Variants in ADHFE1 observed in about 807,000 individuals in gnomAD.
ADHFE1 encodes alcohol dehydrogenase iron containing 1, also known as hydroxyacid-oxoacid transhydrogenase, mitochondrial.
ADHFE1 carries 37 observed loss-of-function variants against 54.8 expected under a neutral mutation model. The observed-to-expected ratio is 0.68, with a 90% CI of 0.52 to 0.89. The LOEUF (loss-of-function observed/expected upper bound fraction) is 0.89. Ranked by LOEUF, ADHFE1 falls within the 40% of genes least tolerant of loss-of-function variation. The pLI is 0.00. For synonymous variants in ADHFE1, 203 were observed against 229.3 expected (o/e 0.89, Z 1.04); for missense variants, 601 against 591.2 (o/e 1.02, Z -0.17).
Position 66,439,102 on chromosome 8 carries a change from C to A in ADHFE1, c.60-1060C>A. On this transcript the variant is annotated intron_variant, in intron 1 of 13. Coordinates refer to ENST00000396623, the MANE Select transcript of ADHFE1 (RefSeq NM_144650.3). The surrounding 1 kb of genome is among the most constrained non-coding windows in gnomAD (Gnocchi z 4.4). ...GTCGGGAACCACTAGATGGCAGCCGCGACTCGCGCCAGCTCTCACTCGCCC... is the reference window on the plus strand; with the variant it reads ...GTCGGGAACCACTAGATGGCAGCCGAGACTCGCGCCAGCTCTCACTCGCCC... 1.2e-6 allele frequency: 1 copy of A among 828,720 alleles called. No homozygotes were observed. The highest frequency in any genetic ancestry group is 1.5e-6 in the Non-Finnish European group (1 of 687,260). The allele number at this position is 828,720 out of a possible 1,614,324, so 51.3% of individuals were successfully genotyped here. A position where few individuals can be genotyped will look rare whatever the true frequency, so the allele number is the denominator to read the frequency against.
Position 66,444,692 on chromosome 8 carries a change from G to T in ADHFE1, c.297G>T (p.Lys99Asn), listed in dbSNP as rs771829089. Residue 99 changes from lysine (K) to asparagine (N), a missense_variant, in exon 5 of 14, where the codon AAG becomes AAT. Lys to Asn is a moderately conservative substitution (Grantham distance 94). Coordinates refer to ENST00000396623, the MANE Select transcript of ADHFE1 (RefSeq NM_144650.3). ...AAGTAGCTATGGATTCCCTAGTGAAGAATGGCATCCCCTTTACGGTTTATG... is the reference window on the plus strand; with the variant it reads ...AAGTAGCTATGGATTCCCTAGTGAATAATGGCATCCCCTTTACGGTTTATG... ...PVQVAMDSLV[K>N]NGIPFTVYDN... The T allele has an allele frequency of 6.2e-7, 1 of 1,614,204 alleles. No individual in the cohort carries two copies. Among genetic ancestry groups the T allele is most frequent in the South Asian group, 1.1e-5 (1 of 91,082 alleles).
chr8:66,457,005 A>G (rs757161331), intron 11 of ADHFE1, 65 bp from the exon 12 acceptor site: 174 of 1,553,160 alleles, frequency 1.1e-4, no homozygotes, highest in Middle Eastern at 3.8e-4. Flanking sequence ...GTAACTTAAC[A>G]TCTAGAATAT....
chr8:66,450,289 C>A (rs961882195), intron 8 of ADHFE1, among the ~76,000 whole-genome samples: 6 of 152,230 alleles, frequency 3.9e-5, no homozygotes, highest in Admixed American at 3.3e-4. Context: ...TGACCCAAAG[C>A]AGCCACCCTT....
chr8:66,467,867 G>A (rs1050519255), intron 13 of ADHFE1, among the ~76,000 whole-genome samples: 6 of 152,202 alleles, frequency 3.9e-5, no homozygotes, highest in African/African-American at 1.4e-4. Flanking sequence ...TTTTGAATAT[G>A]CCTTAAGTCC....
chr8:66,456,858 A>G lies in ADHFE1; in HGVS notation c.1028A>G (p.Tyr343Cys), dbSNP rs1290261828. 12 of 1,602,496 alleles carry G rather than the reference A, an allele frequency of 7.5e-6. No individual in the cohort carries two copies. Among genetic ancestry groups the G allele is most frequent in the East Asian group, 2.3e-5 (1 of 44,346 alleles). The change falls in exon 11 of 14, where the codon TAT (tyrosine) becomes TGT (cysteine). Residue 343 changes from tyrosine (Y) to cysteine (C), a missense_variant. Tyr to Cys is a radical substitution (Grantham distance 194). Transcript: ENST00000396623. ...CCAATTTCAGGTTTAGTGAAGATGTATAAAGCAAAGGATTACAATGTGGAT... is the reference window on the plus strand; with the variant it reads ...CCAATTTCAGGTTTAGTGAAGATGTGTAAAGCAAAGGATTACAATGTGGAT... ...SYPISGLVKM[Y>C]KAKDYNVDHP...
intron 8 of ADHFE1, among the ~76,000 whole-genome samples, 177 bp downstream of exon 8, chr8:66,449,147 G>A (rs1806175858): frequency 6.6e-6 from 1 of 152,220 alleles, no homozygotes; most frequent in Non-Finnish European, 1.5e-5. Context: ...TGGTGACTAG[G>A]TGACATCTGG....
rs1224898533 is a variant in ADHFE1, at chr8:66,468,263, T to C, written c.1321-6T>C. 1.2e-6 allele frequency: 2 copies of C among 1,608,848 alleles called. No homozygotes were observed. The highest frequency in any genetic ancestry group is 2.2e-5 in the East Asian group (1 of 44,752). On this transcript the variant is annotated splice_polypyrimidine_tract_variant and splice_region_variant and intron_variant, in intron 13 of 13. Coordinates refer to ENST00000396623, the MANE Select transcript of ADHFE1 (RefSeq NM_144650.3). Reference sequence around the variant, plus strand: ...CCTGGGTAACTTCTTTCATTTACTGTTTCAGGAAAGGGTCACCAAGCTTGC... The same window carrying C: ...CCTGGGTAACTTCTTTCATTTACTGCTTCAGGAAAGGGTCACCAAGCTTGC...
intron 9 of ADHFE1, chr8:66,453,776 T>C: frequency 7.1e-7 from 1 of 1,409,444 alleles, no homozygotes; most frequent in South Asian, 1.1e-5. Context: ...GGAGTGGCCC[T>C]CGCCATCCAG....
chr8:66,458,341 G>A (rs764094913), intron 12 of ADHFE1, among the ~76,000 whole-genome samples: 2 of 152,180 alleles, frequency 1.3e-5, no homozygotes, highest in African/African-American at 2.4e-5. Flanking sequence ...AGTCCCAGGT[G>A]CTGTGCTGGG....
intron 13 of ADHFE1, among the ~76,000 whole-genome samples, chr8:66,464,749 T>G (rs1807079653): frequency 6.6e-6 from 1 of 152,252 alleles, no homozygotes; most frequent in Non-Finnish European, 1.5e-5. Flanking sequence ...TTTTTAAGTG[T>G]ACAATGCCAT....
chr8:66,462,558 G>A (rs1806958502), intron 13 of ADHFE1, among the ~76,000 whole-genome samples: 1 of 152,222 alleles, frequency 6.6e-6, no homozygotes, highest in African/African-American at 2.4e-5. Flanking sequence ...GGCATTCACT[G>A]CAATTTTAAT....
Position 66,445,326 on chromosome 8 carries a change from C to T in ADHFE1, c.462C>T (p.Ser154=), listed in dbSNP as rs1346933090. The T allele has an allele frequency of 1.9e-6, 3 of 1,613,898 alleles. No homozygotes were observed. The highest frequency in any genetic ancestry group is 2.5e-6 in the Non-Finnish European group (3 of 1,179,996). Residue 154 remains serine (S), a synonymous_variant, in exon 6 of 14, where the codon TCC becomes TCT. Coordinates refer to ENST00000396623, the MANE Select transcript of ADHFE1 (RefSeq NM_144650.3). The stretch of plus-strand genomic sequence containing the variant: ...GTAAGGCTGCTAATCTGTATGCATC[C>T]AGCCCTCATTCTGATTTCCTAGATT... The part of the protein sequence containing the change: ...DTCKAANLYA[S]SPHSDFLDYV...
Position 66,448,865 on chromosome 8 carries a change from G to T in ADHFE1, c.629G>T (p.Gly210Val), listed in dbSNP as rs756683160. Residue 210 changes from glycine (G) to valine (V), a missense_variant and splice_region_variant, in exon 8 of 14, where the codon GGC becomes GTC. Transcript: ENST00000396623. Reference sequence around the variant, plus strand: ...TCTACTGAAAATCCTTATGTTTTAGGCATCACTTCGAGAGCCATCAAACCC... The same window carrying T: ...TCTACTGAAAATCCTTATGTTTTAGTCATCACTTCGAGAGCCATCAAACCC... ...FDYEHLKVKI[G>V]ITSRAIKPTL... is the part of the protein sequence containing the mutation. The T allele has an allele frequency of 3.7e-6, 6 of 1,613,294 alleles. No individual in the cohort carries two copies. In the South Asian group the frequency reaches 4.4e-5, roughly 12 times the overall value.
intron 10 of ADHFE1, among the ~76,000 whole-genome samples, chr8:66,456,329 G>A (rs1371026770): frequency 6.6e-6 from 1 of 152,120 alleles, no homozygotes; most frequent in African/African-American, 2.4e-5. Flanking sequence ...CATTTGAAGG[G>A]ATCTGTCAGT....
At chr8:66,466,885 T>G (rs1807220529) in intron 13 of ADHFE1, among the ~76,000 whole-genome samples, 1 of 152,042 alleles carries the variant, frequency 6.6e-6, no homozygotes, top group African/African-American at 2.4e-5. Context: ...AAAGGGATGG[T>G]GGGACTAAGT....
At chr8:66,460,236 A>G in intron 12 of ADHFE1, 72 bp from the exon 13 acceptor site, 1 of 1,579,170 alleles carries the variant, frequency 6.3e-7, no homozygotes, top group Non-Finnish European at 8.7e-7. Context: ...GTATTCACTG[A>G]TCTTGTGACT....
rs1405117159 is a variant in ADHFE1 at position 66,456,817 on chromosome 8, C to T, written c.987C>T (p.Cys329=). 6.2e-7 allele frequency: 1 copy of T among 1,606,350 alleles called. No individual in the cohort carries two copies. The highest frequency in any genetic ancestry group is 8.5e-7 in the Non-Finnish European group (1 of 1,175,176). ...CATAAGGATTTTCTTTCTTTTCTAG[C>T]CATGGAATGTCTTACCCAATTTCAG... ...IGFGNAGVHL[C]HGMSYPISGL... The change falls in exon 11 of 14, where the codon TGC becomes TGT. Residue 329 remains cysteine, a splice_region_variant and synonymous_variant. Coordinates refer to ENST00000396623, the MANE Select transcript of ADHFE1 (RefSeq NM_144650.3).
Position 66,452,031 on chromosome 8 carries a change from G to GT in ADHFE1, c.814dup (p.Tyr272LeufsTer9). On this transcript the variant is annotated frameshift_variant, in exon 9 of 14. Coordinates refer to ENST00000396623, the MANE Select transcript of ADHFE1 (RefSeq NM_144650.3). LOFTEE classifies it high-confidence loss of function. ...CTTCAAATCCCATCACACGGCCTGCGTACCAGGGCAGCAACCCAATCAGTG... is the reference window on the plus strand; with the variant it reads ...CTTCAAATCCCATCACACGGCCTGCGTTACCAGGGCAGCAACCCAATCAGTG... The GT allele has an allele frequency of 6.2e-7, 1 of 1,614,184 alleles. No homozygotes were observed. Among genetic ancestry groups the GT allele is most frequent in the Non-Finnish European group, 8.5e-7 (1 of 1,180,040 alleles).
At chr8:66,465,227 T>C (rs1290010528) in intron 13 of ADHFE1, among the ~76,000 whole-genome samples, 1 of 152,170 alleles carries the variant, frequency 6.6e-6, no homozygotes, top group Non-Finnish European at 1.5e-5. Context: ...CTTTGGGGTA[T>C]ATACCTAGGA....
Sources: gnomAD v4.1 joint callset for allele counts (sites outside exome capture counted in the v4.1 genomes callset) on GRCh38, gnomAD v4.1.1 for gene constraint, Gnocchi (gnomAD v3.1) non-coding constraint, MANE v1.5 for transcripts, NCBI Gene and HGNC (gene_info 2026-07-23, HGNC 2026-07-21) for gene names.